Variants in SLC44A5 observed in about 807,000 individuals in gnomAD.
SLC44A5 encodes the protein choline transporter-like protein 5.
In SLC44A5, 57 loss-of-function variants were observed where a neutral mutation model predicts 101.8. The observed-to-expected ratio is 0.56, with a 90% CI of 0.45 to 0.70. SLC44A5 has a LOEUF of 0.70. Among genes scored for constraint, SLC44A5 ranks in the 30% least tolerant of loss-of-function variants. The probability of loss-of-function intolerance (pLI) is 0.00; values close to 1 mark genes in which losing one functional copy is unlikely to be tolerated. For synonymous variants in SLC44A5, 281 were observed against 290.9 expected, an observed-to-expected ratio of 0.97 and a Z score of 0.35; for missense variants, 737 against 853.1, an observed-to-expected ratio of 0.86 and a Z score of 1.70.
At chr1:75,226,284 A>G (rs1423667748) in intron 13 of SLC44A5, among the ~76,000 whole-genome samples, 1 of 152,024 alleles carries the variant, frequency 6.6e-6, no homozygotes, top group Non-Finnish European at 1.5e-5. Context: ...GCGGTGGAGA[A>G]GGAATCTGGG....
At chr1:75,618,625 A>G in the SLC44A5 span, among the ~76,000 whole-genome samples, 1 of 152,242 alleles carries the variant, frequency 6.6e-6, no homozygotes, top group East Asian at 1.9e-4. Context: ...ACAAACATAC[A>G]TGGTATAGCC....
At chr1:75,401,673 G>C (rs2101439464) in intron 2 of SLC44A5, among the ~76,000 whole-genome samples, 1 of 152,204 alleles carries the variant, frequency 6.6e-6, no homozygotes, top group African/African-American at 2.4e-5. Context: ...GAACACATTT[G>C]ACTGTCATAT....
At chr1:75,676,901 G>A in the SLC44A5 span, among the ~76,000 whole-genome samples, 16 of 152,300 alleles carry the variant, frequency 1.1e-4, no homozygotes, top group African/African-American at 3.8e-4. Flanking sequence ...AATATAAAAT[G>A]GAGTATTTCT....
intron 2 of SLC44A5, among the ~76,000 whole-genome samples, chr1:75,486,545 T>C (rs899038221): frequency 6.6e-6 from 1 of 152,164 alleles, no homozygotes; most frequent in Non-Finnish European, 1.5e-5. Flanking sequence ...AAGTCAAAAG[T>C]TTTGATTGGT....
At chr1:75,394,608 A>C (rs1369223584) in intron 3 of SLC44A5, among the ~76,000 whole-genome samples, 2 of 152,100 alleles carry the variant, frequency 1.3e-5, no homozygotes, top group African/African-American at 4.8e-5. Flanking sequence ...GAAACGAGCC[A>C]CTGGCTTTGG....
At chr1:75,443,929 A>G (rs552864414) in intron 2 of SLC44A5, among the ~76,000 whole-genome samples, 159 of 152,240 alleles carry the variant, frequency 1.0e-3, no homozygotes, top group Middle Eastern at 0.01. Context: ...ATGATTTTTA[A>G]AAACCATATG....
intron 1 of SLC44A5, among the ~76,000 whole-genome samples, chr1:75,575,798 T>C (rs1175494784): frequency 6.6e-6 from 1 of 152,146 alleles, no homozygotes; most frequent in Non-Finnish European, 1.5e-5. Context: ...GTGTGGTGAG[T>C]TAACCATAAG....
chr1:75,554,259 T>C (rs1484877452), intron 1 of SLC44A5, among the ~76,000 whole-genome samples: 1 of 151,878 alleles, frequency 6.6e-6, no homozygotes, highest in Non-Finnish European at 1.5e-5. Context: ...GGCGAATCAT[T>C]TGAGGTCAGG....
At chr1:75,258,723 C>G (rs1650234519) in intron 6 of SLC44A5, among the ~76,000 whole-genome samples, 1 of 152,166 alleles carries the variant, frequency 6.6e-6, no homozygotes, top group Non-Finnish European at 1.5e-5. Flanking sequence ...CCCTGGGTAT[C>G]TTGACTGGGA....
At chr1:75,229,201 A>T (rs1647342062) in intron 12 of SLC44A5, among the ~76,000 whole-genome samples, 1 of 151,976 alleles carries the variant, frequency 6.6e-6, no homozygotes, top group Non-Finnish European at 1.5e-5. Flanking sequence ...AAATTTCTGC[A>T]ATCATCTCCT....
At chr1:75,470,649 C>T (rs1225373442) in intron 2 of SLC44A5, among the ~76,000 whole-genome samples, 1 of 152,078 alleles carries the variant, frequency 6.6e-6, no homozygotes, top group African/African-American at 2.4e-5. Context: ...GCTAAACCTA[C>T]ACCATGAGTA....
At chr1:75,609,825 G>T (rs1213128574) in intron 1 of SLC44A5, among the ~76,000 whole-genome samples, 2 of 152,060 alleles carry the variant, frequency 1.3e-5, no homozygotes, top group Non-Finnish European at 2.9e-5. Context: ...GTATATTCAT[G>T]ATCTAATGTT....
At chr1:75,341,670 T>C (rs1657893694) in intron 3 of SLC44A5, among the ~76,000 whole-genome samples, 1 of 152,136 alleles carries the variant, frequency 6.6e-6, no homozygotes, top group Non-Finnish European at 1.5e-5. Flanking sequence ...GGGTCACGAA[T>C]GAACAGGCTT....
intron 4 of SLC44A5, among the ~76,000 whole-genome samples, chr1:75,305,568 T>C (rs1454281138): frequency 1.3e-5 from 2 of 152,222 alleles, no homozygotes; most frequent in Admixed American, 6.5e-5. Flanking sequence ...CCATTATTCC[T>C]TCTTAATGTG....
chr1:75,328,922 T>C (rs1052702332), intron 4 of SLC44A5, among the ~76,000 whole-genome samples: 2 of 152,182 alleles, frequency 1.3e-5, no homozygotes, highest in Non-Finnish European at 2.9e-5. Flanking sequence ...GAGTGTGGTA[T>C]GCAGACAGCC....
chr1:75,265,293 A>T (rs1490864711), intron 6 of SLC44A5, among the ~76,000 whole-genome samples: 1 of 152,196 alleles, frequency 6.6e-6, no homozygotes, highest in East Asian at 1.9e-4. Flanking sequence ...CCAAACAAGG[A>T]CATAAAAACA....
intron 5 of SLC44A5, among the ~76,000 whole-genome samples, chr1:75,295,434 C>G (rs1653890491): frequency 1.3e-5 from 2 of 152,140 alleles, no homozygotes; most frequent in Admixed American, 1.3e-4. Context: ...AAACTTTTCT[C>G]CCTGAGATTT....
chr1:75,682,016 A>C, the SLC44A5 span, among the ~76,000 whole-genome samples: 1 of 152,222 alleles, frequency 6.6e-6, no homozygotes, highest in African/African-American at 2.4e-5. Flanking sequence ...TGCTTCAAAG[A>C]GAATAAAATA....
At chr1:75,349,100 A>C (rs1048744538) in intron 3 of SLC44A5, among the ~76,000 whole-genome samples, 3 of 152,250 alleles carry the variant, frequency 2.0e-5, no homozygotes, top group Admixed American at 2.0e-4. Flanking sequence ...CTGTAATCCC[A>C]GCACTTTGGG....
Sources: allele counts gnomAD v4.1 joint callset (sites outside exome capture counted in the v4.1 genomes callset), GRCh38; gene constraint gnomAD v4.1.1; transcripts MANE v1.5; gene names NCBI Gene and HGNC (gene_info 2026-07-23, HGNC 2026-07-21).